TTC28: variants seen among roughly 807,000 people sequenced by gnomAD.
TTC28 encodes tetratricopeptide repeat protein 28.
In TTC28, 61 loss-of-function variants were observed where a neutral mutation model predicts 198.0. The observed-to-expected ratio is 0.31, with a 90% CI of 0.25 to 0.38. The LOEUF (loss-of-function observed/expected upper bound fraction) is 0.38, where lower values mean the gene tolerates loss of function less well. Ranked by LOEUF, TTC28 falls within the 10% of genes least tolerant of loss-of-function variation. The pLI is 1.00. For synonymous variants in TTC28, 1,171 were observed against 1,297.8 expected (o/e 0.90, Z 2.10); for missense variants, 2,678 against 3,164.0 (o/e 0.85, Z 3.69).
intron 2 of TTC28, among the ~76,000 whole-genome samples, chr22:28,452,837 C>T (rs538397546): frequency 6.6e-6 from 1 of 152,308 alleles, no homozygotes; most frequent in African/African-American, 2.4e-5. Context: ...TTACTTTCCC[C>T]TACCATCTGA....
At chr22:28,637,368 A>T (rs1374186387) in intron 1 of TTC28, among the ~76,000 whole-genome samples, 1 of 152,094 alleles carries the variant, frequency 6.6e-6, no homozygotes, top group African/African-American at 2.4e-5. Context: ...TAGGTTAAGG[A>T]TCCAATTACA....
chr22:28,212,349 GA>G (rs1159608863), intron 5 of TTC28, among the ~76,000 whole-genome samples: 2 of 150,834 alleles, frequency 1.3e-5, no homozygotes, highest in Non-Finnish European at 3.0e-5. Flanking sequence ...CTGGTTTTTT[GA>G]AAAGATCAAC....
At chr22:27,991,017 C>T (rs187981925) in intron 19 of TTC28, among the ~76,000 whole-genome samples, 11 of 152,250 alleles carry the variant, frequency 7.2e-5, no homozygotes, top group Admixed American at 2.6e-4. Context: ...CAGCCGCGTG[C>T]GGATCCAGGG....
At chr22:28,308,069 C>T (rs1362253438) in intron 2 of TTC28, among the ~76,000 whole-genome samples, 1 of 152,112 alleles carries the variant, frequency 6.6e-6, no homozygotes, top group Non-Finnish European at 1.5e-5. Flanking sequence ...AGAATGAATA[C>T]TCAAATTATT....
At chr22:28,189,793 G>A (rs1267842633) in intron 5 of TTC28, among the ~76,000 whole-genome samples, 7 of 151,870 alleles carry the variant, frequency 4.6e-5, no homozygotes, top group Admixed American at 4.6e-4. Context: ...GAAGCTTGAA[G>A]AAGAATTTTA....
chr22:28,633,526 A>G (rs1230341682), intron 1 of TTC28, among the ~76,000 whole-genome samples: 1 of 151,936 alleles, frequency 6.6e-6, no homozygotes, highest in African/African-American at 2.4e-5. Flanking sequence ...TACTTGGGAG[A>G]CTGAAGAGGG....
chr22:28,352,312 C>CATATATATATATATATAT lies in TTC28; in HGVS notation c.382-45687_382-45670dup, dbSNP rs35793503. On this transcript the variant is annotated intron_variant, in intron 2 of 22. Coordinates refer to ENST00000397906, the MANE Select transcript of TTC28 (RefSeq NM_001145418.2). Reference sequence around the variant, plus strand: ...AGAACCTATTAGACAGAGATATATACATATATATATATATATATATATATC... The same window carrying CATATATATATATATATAT: ...AGAACCTATTAGACAGAGATATATACATATATATATATATATATATATATATATATATATATATATATC... Among the ~76,000 whole-genome samples, 55 of 142,756 alleles carry CATATATATATATATATAT rather than the reference C, an allele frequency of 3.9e-4. 1 individual carries two copies. The highest frequency in any genetic ancestry group is 1.4e-3 in the African/African-American group (54 of 37,450). 93.7% of individuals were successfully genotyped at this position (142,756 alleles called of 152,430 possible). A position where few individuals can be genotyped will look rare whatever the true frequency, so the allele number is the denominator to read the frequency against.
At chr22:28,677,923 G>A (rs2052026618) in intron 1 of TTC28, among the ~76,000 whole-genome samples, 2 of 151,606 alleles carry the variant, frequency 1.3e-5, no homozygotes, top group Admixed American at 6.6e-5. Context: ...GGAAGACAGA[G>A]TGAGGCTCCG....
intron 2 of TTC28, among the ~76,000 whole-genome samples, chr22:28,324,385 T>A (rs1264741433): frequency 6.6e-6 from 1 of 151,870 alleles, no homozygotes; most frequent in East Asian, 1.9e-4. Flanking sequence ...TAACTCATTT[T>A]ATGAGGCCAG....
intron 5 of TTC28, among the ~76,000 whole-genome samples, chr22:28,261,811 T>G (rs1411752331): frequency 1.3e-5 from 2 of 152,116 alleles, no homozygotes; most frequent in Admixed American, 6.6e-5. Context: ...CACTTCAGCC[T>G]CTCAAGTAGC....
intron 12 of TTC28, among the ~76,000 whole-genome samples, chr22:28,057,225 T>C (rs1405118078): frequency 6.6e-6 from 1 of 152,196 alleles, no homozygotes; most frequent in African/African-American, 2.4e-5. Context: ...TTTTCCAGAG[T>C]TATTACATAT....
At chr22:28,487,295 C>T (rs2048324742) in intron 2 of TTC28, among the ~76,000 whole-genome samples, 2 of 151,596 alleles carry the variant, frequency 1.3e-5, no homozygotes, top group Admixed American at 1.3e-4. Context: ...ATAAAAATAT[C>T]ATAAAGAATA....
At chr22:28,228,746 C>T (rs769749723) in intron 5 of TTC28, among the ~76,000 whole-genome samples, 7 of 152,040 alleles carry the variant, frequency 4.6e-5, no homozygotes, top group Admixed American at 2.6e-4. Flanking sequence ...TTAGACTTCA[C>T]TCAAGATCTG....
At chr22:28,245,548 C>T (rs1930023253) in intron 5 of TTC28, among the ~76,000 whole-genome samples, 1 of 152,114 alleles carries the variant, frequency 6.6e-6, no homozygotes, top group South Asian at 2.1e-4. Context: ...TCCAAAACAT[C>T]ACAAAAGAAA....
At chr22:28,197,286 G>T (rs1293441408) in intron 5 of TTC28, among the ~76,000 whole-genome samples, 1 of 106,360 alleles carries the variant, frequency 9.4e-6, no homozygotes, top group Non-Finnish European at 1.8e-5. Context: ...TGGGGGGAGG[G>T]GAGAGGAGAG....
At chr22:28,619,309 AC>A (rs953426096) in intron 2 of TTC28, among the ~76,000 whole-genome samples, 1 of 152,224 alleles carries the variant, frequency 6.6e-6, no homozygotes, top group African/African-American at 2.4e-5. Context: ...TGTAATGTTA[AC>A]CCAGATACAA....
At chr22:28,603,556 T>C (rs1220975918) in intron 2 of TTC28, among the ~76,000 whole-genome samples, 1 of 152,098 alleles carries the variant, frequency 6.6e-6, no homozygotes, top group East Asian at 1.9e-4. Flanking sequence ...CCAGCTAATT[T>C]CTTTTTTAAA....
rs138610593 is a variant in TTC28, at chr22:28,583,984, G to GTT, written c.381+45566_381+45567dup. Among the ~76,000 whole-genome samples, 1,077 of 131,738 alleles carry GTT rather than the reference G, an allele frequency of 8.2e-3. 25 individuals are homozygous for GTT. The highest frequency in any genetic ancestry group is 0.081 in the East Asian group (358 of 4,434). 86.4% of individuals were successfully genotyped at this position (131,738 alleles called of 152,430 possible). A position where few individuals can be genotyped will look rare whatever the true frequency, so the allele number is the denominator to read the frequency against. ...CATGTATTATTTTCTCTCTTTCTCC[G>GTT]TTTTTTTTTTGTTTTGTTTTTGTTT... On this transcript the variant is annotated intron_variant, in intron 2 of 22. Coordinates refer to ENST00000397906, the MANE Select transcript of TTC28 (RefSeq NM_001145418.2).
chr22:27,993,909 C>T (rs935648834), intron 17 of TTC28, among the ~76,000 whole-genome samples: 1 of 152,222 alleles, frequency 6.6e-6, no homozygotes, highest in Non-Finnish European at 1.5e-5. Context: ...CCCTCACTGC[C>T]CACAGCCCAG....
Sources: allele counts gnomAD v4.1 joint callset (sites outside exome capture counted in the v4.1 genomes callset), GRCh38; gene constraint gnomAD v4.1.1; transcripts MANE v1.5; gene names NCBI Gene and HGNC (gene_info 2026-07-23, HGNC 2026-07-21).